Variants in CACNA2D2 observed in about 807,000 individuals in gnomAD.
CACNA2D2 encodes the protein voltage-dependent calcium channel subunit alpha-2/delta-2.
In CACNA2D2, 48 loss-of-function variants were observed where a neutral mutation model predicts 166.4. The observed-to-expected ratio is 0.29, with a 90% CI of 0.23 to 0.37. The LOEUF is 0.37. Among genes scored for constraint, CACNA2D2 ranks in the 10% least tolerant of loss-of-function variants. CACNA2D2 has a pLI of 1.00. For missense variants in CACNA2D2, 1,122 were observed against 1,433.0 expected, an observed-to-expected ratio of 0.78 and a Z score of 3.50; for synonymous variants, 561 against 573.7, an observed-to-expected ratio of 0.98 and a Z score of 0.32.
chr3:50,388,257 G>A (rs139126780), intron 4 of CACNA2D2, among the ~76,000 whole-genome samples: 55 of 152,300 alleles, frequency 3.6e-4, no homozygotes, highest in Admixed American at 8.5e-4. Flanking sequence ...CCGGGGACCC[G>A]TAACACAAAC....
At chr3:50,449,767 G>A (rs1193180488) in intron 2 of CACNA2D2, among the ~76,000 whole-genome samples, 1 of 152,176 alleles carries the variant, frequency 6.6e-6, no homozygotes. Context: ...TGGGGCGGGG[G>A]GAGCCTGTAC....
rs587649710 is a variant in CACNA2D2, at chr3:50,376,866, T to A, written c.1626+601A>T. ...ACCGCAGGCGCTGGGCCAGCCACAA[T>A]GCCATCTTGCCCCTACCCTGGTTTA... is the stretch of plus-strand genomic sequence containing the variant. On this transcript the variant is annotated intron_variant, in intron 17 of 37. Transcript: ENST00000424201. This position sits in a 1 kb window ranked among gnomAD's most constrained non-coding sequence, Gnocchi z 4.3. Among the ~76,000 whole-genome samples the A allele has an allele frequency of 6.6e-6, 1 of 152,330 alleles. No homozygotes were observed. Among genetic ancestry groups the A allele is most frequent in the South Asian group, 2.1e-4 (1 of 4,830 alleles).
intron 3 of CACNA2D2, among the ~76,000 whole-genome samples, chr3:50,410,370 G>C (rs565569738): frequency 3.7e-4 from 57 of 152,348 alleles, no homozygotes; most frequent in African/African-American, 1.3e-3. Context: ...TCTGCAGAAG[G>C]GGGATCCCCT....
At chr3:50,377,636 A>G in intron 16 of CACNA2D2, 95 bp from the exon 17 acceptor site, 2 of 1,558,520 alleles carry the variant, frequency 1.3e-6, no homozygotes, top group African/African-American at 2.7e-5. Flanking sequence ...GGCAGTGTGC[A>G]GGCCTGCCCT....
At chr3:50,396,228 G>T (rs752243554) in intron 3 of CACNA2D2, among the ~76,000 whole-genome samples, 1 of 151,948 alleles carries the variant, frequency 6.6e-6, no homozygotes, top group Non-Finnish European at 1.5e-5. Context: ...TGGCCCCTCT[G>T]CCTCCTCCAT....
intron 23 of CACNA2D2, among the ~76,000 whole-genome samples, chr3:50,369,521 C>T (rs1307180200): frequency 2.0e-5 from 3 of 152,268 alleles, no homozygotes; most frequent in Non-Finnish European, 4.4e-5. Context: ...GGTGCATGCA[C>T]ATACGTGCAC....
intron 3 of CACNA2D2, among the ~76,000 whole-genome samples, chr3:50,403,103 A>G (rs1366062061): frequency 6.6e-6 from 1 of 152,210 alleles, no homozygotes; most frequent in Non-Finnish European, 1.5e-5. Context: ...GACCCAGCAC[A>G]TAATTTGGGG....
intron 3 of CACNA2D2, among the ~76,000 whole-genome samples, chr3:50,432,309 G>GTC (rs988320735): frequency 6.6e-5 from 10 of 152,244 alleles, no homozygotes; most frequent in African/African-American, 2.4e-4. Context: ...CAGGCGTCTT[G>GTC]TCTCTGCCAC....
chr3:50,503,205 C>A lies in CACNA2D2; in HGVS notation c.206+13G>T. 1 of 1,186,072 alleles carries A rather than the reference C, an allele frequency of 8.4e-7. No individual in the cohort carries two copies. The highest frequency in any genetic ancestry group is 3.5e-5 in the East Asian group (1 of 28,194). 73.5% of individuals were successfully genotyped at this position (1,186,072 alleles called of 1,614,324 possible). On this transcript the variant is annotated intron_variant, in intron 1 of 37. Transcript: ENST00000424201. ...GCTCGGCCGGGGTCTCGCGGCCGGCCGAGGCCACTTACGTGTGCTGCTGGG... is the reference window on the plus strand; with the variant it reads ...GCTCGGCCGGGGTCTCGCGGCCGGCAGAGGCCACTTACGTGTGCTGCTGGG...
intron 3 of CACNA2D2, among the ~76,000 whole-genome samples, chr3:50,429,440 C>T (rs1270261539): frequency 6.6e-6 from 1 of 151,774 alleles, no homozygotes; most frequent in African/African-American, 2.4e-5. Flanking sequence ...GTAAAGATTT[C>T]GACCATTTTC....
chr3:50,418,743 G>C (rs999723638), intron 3 of CACNA2D2, among the ~76,000 whole-genome samples: 1 of 152,258 alleles, frequency 6.6e-6, no homozygotes, highest in Non-Finnish European at 1.5e-5. Context: ...GGTGGAGAGG[G>C]AGAATGAGGT....
At chr3:50,481,058 G>A (rs943204536) in intron 1 of CACNA2D2, among the ~76,000 whole-genome samples, 1 of 150,888 alleles carries the variant, frequency 6.6e-6, no homozygotes, top group Non-Finnish European at 1.5e-5. Context: ...TGATTTAATT[G>A]TACAGTATAA....
intron 22 of CACNA2D2, among the ~76,000 whole-genome samples, chr3:50,371,296 G>T (rs140537855): frequency 5.9e-5 from 9 of 152,252 alleles, no homozygotes; most frequent in African/African-American, 2.2e-4. Flanking sequence ...CCCCAGTTGG[G>T]CCTGTGCCCT....
At position 50,387,763 on chromosome 3, in the gene CACNA2D2, G is replaced by A. The variant is rs866039819; in HGVS notation, c.466-151C>T. The A allele has an allele frequency of 4.0e-4, 255 of 644,814 alleles. 1 individual carries two copies. The Middle Eastern group carries it at 4.0e-3, about 10-fold the overall frequency. The allele number at this position is 644,814 out of a possible 1,614,324, so 39.9% of individuals were successfully genotyped here. A position where few individuals can be genotyped will look rare whatever the true frequency, so the allele number is the denominator to read the frequency against. On this transcript the variant is annotated intron_variant, in intron 4 of 37. Transcript: ENST00000424201. ...CCAGAGCCCCCCTCCTGGAAGGGCC[G>A]GATAGGTCAGGGCTGAGAATGCAGC... is the stretch of plus-strand genomic sequence containing the variant.
intron 22 of CACNA2D2, among the ~76,000 whole-genome samples, chr3:50,372,064 G>A (rs901465600): frequency 6.6e-6 from 1 of 151,980 alleles, no homozygotes; most frequent in South Asian, 2.1e-4. Context: ...GGCTCTCCAT[G>A]CCCCATCTGC....
chr3:50,425,531 C>A (rs1707765874), intron 3 of CACNA2D2, among the ~76,000 whole-genome samples: 1 of 152,200 alleles, frequency 6.6e-6, no homozygotes, highest in African/African-American at 2.4e-5. Flanking sequence ...GCTCGCCCTT[C>A]CTCACATGCA....
In CACNA2D2 at chr3:50,471,389, G is replaced by A. The variant is rs9311455; in HGVS notation, c.288+4729C>T. 8.6e-3 allele frequency among the ~76,000 whole-genome samples: 1,312 copies of A among 152,270 alleles called. 17 individuals are homozygous for A. Among genetic ancestry groups the A allele is most frequent in the East Asian group, 0.049 (252 of 5,178 alleles). ...GAGGGGACCTTCTGTGGGGTCTAGG[G>A]GGGACAGCTTCTTGTGCTCCTCTTG... On this transcript the variant is annotated intron_variant, in intron 2 of 37. Transcript: ENST00000424201.
rs139444529 is a variant in CACNA2D2, at chr3:50,384,549, C to T, written c.511-212G>A. Among the ~76,000 whole-genome samples the T allele has an allele frequency of 1.1e-3, 160 of 152,318 alleles. 1 individual carries two copies. In the East Asian group the frequency reaches 0.022, roughly 21 times the overall value. On this transcript the variant is annotated intron_variant, in intron 5 of 37. Coordinates refer to ENST00000424201, the MANE Select transcript of CACNA2D2 (RefSeq NM_006030.4). ...CACCCAAGGGGCCTGTGACTCCCAT[C>T]TCCCCCTGCCCACCCCACCCATCAT...
chr3:50,375,715 G>A lies in CACNA2D2; in HGVS notation c.1846-10C>T. 6.2e-7 allele frequency: 1 copy of A among 1,613,294 alleles called. No homozygotes were observed. Among genetic ancestry groups the A allele is most frequent in the South Asian group, 1.1e-5 (1 of 91,080 alleles). ...CCTCATCTATGTACCTCTGGGAGAG[G>A]AGGCTGGGTCAGGTACTTGGGCTAG... On this transcript the variant is annotated splice_polypyrimidine_tract_variant and intron_variant, in intron 20 of 37. Coordinates refer to ENST00000424201, the MANE Select transcript of CACNA2D2 (RefSeq NM_006030.4). The surrounding 1 kb of genome is among the most constrained non-coding windows in gnomAD (Gnocchi z 4.0).
Sources: allele counts gnomAD v4.1 joint callset (sites outside exome capture counted in the v4.1 genomes callset), GRCh38; gene constraint gnomAD v4.1.1; non-coding constraint Gnocchi (gnomAD v3.1); transcripts MANE v1.5; gene names NCBI Gene and HGNC (gene_info 2026-07-23, HGNC 2026-07-21).